The following FAM135B variants were observed in gnomAD, a reference collection of about 807,000 sequenced individuals.
FAM135B encodes protein FAM135B.
A neutral mutation model predicts 127.7 loss-of-function variants in FAM135B; 43 were observed. That is an observed-to-expected ratio of 0.34 (90% CI 0.26 to 0.43). FAM135B has a LOEUF of 0.43. Ranked by LOEUF, FAM135B falls within the 20% of genes least tolerant of loss-of-function variation. The probability of loss-of-function intolerance (pLI) is 1.00; values close to 1 mark genes in which losing one functional copy is unlikely to be tolerated. For missense variants in FAM135B, 1,558 were observed against 1,725.6 expected (o/e 0.90, Z 1.72); for synonymous variants, 670 against 665.1 (o/e 1.01, Z -0.11).
chr8:138,452,635 T>C (rs759491929), intron 1 of FAM135B, among the ~76,000 whole-genome samples: 3 of 152,138 alleles, frequency 2.0e-5, no homozygotes, highest in African/African-American at 7.2e-5. Context: ...TTATAAACAA[T>C]AACCACTTAT....
chr8:138,304,951 G>A (rs1826133407), intron 3 of FAM135B, among the ~76,000 whole-genome samples: 1 of 152,150 alleles, frequency 6.6e-6, no homozygotes, highest in African/African-American at 2.4e-5. Context: ...CACCCACCCT[G>A]CCGGCCACCC....
At chr8:138,334,965 A>G (rs78900670) in intron 2 of FAM135B, among the ~76,000 whole-genome samples, 1 of 152,246 alleles carries the variant, frequency 6.6e-6, no homozygotes, top group African/African-American at 2.4e-5. Context: ...AAATGCTGAC[A>G]TCAATGCATT....
At chr8:138,253,661 T>A (rs1295743928) in intron 5 of FAM135B, among the ~76,000 whole-genome samples, 3 of 152,132 alleles carry the variant, frequency 2.0e-5, no homozygotes, top group African/African-American at 2.4e-5. Context: ...CAAACATGTC[T>A]CTGGGCATGG....
intron 1 of FAM135B, among the ~76,000 whole-genome samples, chr8:138,373,246 A>T (rs1831258450): frequency 6.6e-6 from 1 of 152,112 alleles, no homozygotes; most frequent in Admixed American, 6.6e-5. Context: ...AAGAAAGTGG[A>T]TTGTGAAGAT....
chr8:138,317,071 G>C (rs941307406), intron 2 of FAM135B, among the ~76,000 whole-genome samples: 2 of 151,158 alleles, frequency 1.3e-5, no homozygotes, highest in Admixed American at 1.3e-4. Flanking sequence ...ACTTACTTAT[G>C]CAAGAACTTG....
chr8:138,483,574 G>C (rs1374453694), intron 1 of FAM135B, among the ~76,000 whole-genome samples: 1 of 152,224 alleles, frequency 6.6e-6, no homozygotes, highest in Non-Finnish European at 1.5e-5. Flanking sequence ...GTAACAGAGA[G>C]AGAGGGAGAG....
intron 7 of FAM135B, among the ~76,000 whole-genome samples, chr8:138,222,678 GTTTT>G (rs33913656): frequency 0.019 from 1,975 of 104,036 alleles, 42 homozygotes; most frequent in African/African-American, 0.066. Context: ...TGTTGGTGGT[GTTTT>G]TTTTTTTTTT....
In FAM135B at chr8:138,152,944, C is replaced by T. The variant is rs1818319886; in HGVS notation, c.1531G>A (p.Ala511Thr). 3 of 1,614,184 alleles carry T rather than the reference C, an allele frequency of 1.9e-6. No homozygotes were observed. Among genetic ancestry groups the T allele is most frequent in the Non-Finnish European group, 1.7e-6 (2 of 1,180,038 alleles). Residue 511 changes from alanine to threonine, a missense_variant, in exon 13 of 20, where the codon GCA becomes ACA. This residue lies in a region of FAM135B where 923 missense variants were observed against 865.3 expected (regional missense o/e 1.07). Transcript: ENST00000395297. ...CAACATTCATCTTCAGGCACACCTG[C>T]TTTGTTTTGAAATTCACCAATTGAT... ...YISIGEFQNK[A>T]GVPEDECWTG...
rs755185216 is a variant in FAM135B, at chr8:138,152,650, T to G, written c.1825A>C (p.Lys609Gln). The change falls in exon 13 of 20, where the codon AAA (lysine) becomes CAA (glutamine). Residue 609 changes from lysine to glutamine, a missense_variant. Physicochemically the swap from Lys to Gln is moderately conservative, Grantham distance 53. Transcript: ENST00000395297. ...GTACTTAATTCATGGAGAGTTGTTTTGTCTGAAGAGATGGCATTTTGGTGG... is the reference window on the plus strand; with the variant it reads ...GTACTTAATTCATGGAGAGTTGTTTGGTCTGAAGAGATGGCATTTTGGTGG... ...GSHQNAISSDKTTLHELSTLG... is the reference protein window; with the variant it reads ...GSHQNAISSDQTTLHELSTLG... The G allele has an allele frequency of 6.8e-6, 11 of 1,614,210 alleles. No homozygotes were observed. The highest frequency in any genetic ancestry group is 1.6e-4 in the Middle Eastern group (1 of 6,062).
intron 1 of FAM135B, among the ~76,000 whole-genome samples, chr8:138,383,520 A>C (rs1831996678): frequency 6.6e-6 from 1 of 152,236 alleles, no homozygotes; most frequent in African/African-American, 2.4e-5. Flanking sequence ...TTATATAAAA[A>C]TGAGAATGGG....
At chr8:138,221,373 G>A (rs953616381) in intron 7 of FAM135B, among the ~76,000 whole-genome samples, 11 of 152,138 alleles carry the variant, frequency 7.2e-5, no homozygotes, top group Non-Finnish European at 1.3e-4. Context: ...CACCAAGGGG[G>A]ATGGTGCCAA....
At chr8:138,187,668 TTAA>T (rs1209321974) in intron 9 of FAM135B, among the ~76,000 whole-genome samples, 1 of 152,236 alleles carries the variant, frequency 6.6e-6, no homozygotes, top group African/African-American at 2.4e-5. Context: ...AGAGCTTCTA[TTAA>T]TAAAACCCTT....
chr8:138,233,616 C>T (rs1039134876), intron 7 of FAM135B, among the ~76,000 whole-genome samples: 1 of 152,174 alleles, frequency 6.6e-6, no homozygotes, highest in Non-Finnish European at 1.5e-5. Flanking sequence ...GCAATGATTT[C>T]TTGGATATGA....
At chr8:138,260,171 T>C (rs912483218) in intron 4 of FAM135B, among the ~76,000 whole-genome samples, 1 of 152,222 alleles carries the variant, frequency 6.6e-6, no homozygotes. Context: ...GCTTTAGGCC[T>C]GAGAACCTGG....
chr8:138,415,354 C>G (rs1834082135), intron 1 of FAM135B, among the ~76,000 whole-genome samples: 1 of 152,162 alleles, frequency 6.6e-6, no homozygotes, highest in African/African-American at 2.4e-5. Flanking sequence ...TTATTAACAG[C>G]TCCCTTCCCA....
chr8:138,495,830 A>T lies in FAM135B; in HGVS notation c.-20+841T>A, dbSNP rs1241886716. Among the ~76,000 whole-genome samples the T allele has an allele frequency of 2.0e-5, 3 of 152,136 alleles. No homozygotes were observed. The East Asian group carries it at 5.8e-4, about 29-fold the overall frequency. On this transcript the variant is annotated intron_variant, in intron 1 of 19. Transcript: ENST00000395297. ...TTAACATCAAGAGCATCATAACCTG[A>T]TGGAAAACAATGCCCCCTGGTTCAA...
intron 1 of FAM135B, among the ~76,000 whole-genome samples, chr8:138,409,354 A>G (rs1833719662): frequency 6.6e-6 from 1 of 152,186 alleles, no homozygotes; most frequent in African/African-American, 2.4e-5. Flanking sequence ...CATGGCAGCC[A>G]AAACAATTAC....
chr8:138,297,364 C>T (rs7840029), intron 3 of FAM135B, among the ~76,000 whole-genome samples: 43,930 of 152,078 alleles, frequency 0.29, 6,460 homozygotes, highest in South Asian at 0.41. Flanking sequence ...TATGCAGAAA[C>T]TAAGGCACTG....
At chr8:138,480,102 T>C (rs1814716684) in intron 1 of FAM135B, among the ~76,000 whole-genome samples, 1 of 152,192 alleles carries the variant, frequency 6.6e-6, no homozygotes, top group Non-Finnish European at 1.5e-5. Flanking sequence ...CGGTCATTCA[T>C]TGGATCTGGA....
Sources: allele counts gnomAD v4.1 joint callset (sites outside exome capture counted in the v4.1 genomes callset), GRCh38; gene constraint gnomAD v4.1.1; regional missense constraint gnomAD v4.1.1; transcripts MANE v1.5; gene names NCBI Gene and HGNC (gene_info 2026-07-23, HGNC 2026-07-21).